Variants in TRIM46 observed in about 807,000 individuals in gnomAD.
The protein encoded by TRIM46 is tripartite motif containing 46.
In TRIM46, 17 loss-of-function variants were observed where a neutral mutation model predicts 69.7. The observed-to-expected ratio is 0.24, with a 90% CI of 0.17 to 0.37. The LOEUF is 0.37. Ranked by LOEUF, TRIM46 falls within the 10% of genes least tolerant of loss-of-function variation. The probability of loss-of-function intolerance (pLI) is 1.00; values close to 1 mark genes in which losing one functional copy is unlikely to be tolerated. For missense variants in TRIM46, 675 were observed against 1,025.1 expected, an observed-to-expected ratio of 0.66 and a Z score of 4.66; for synonymous variants, 391 against 429.0, an observed-to-expected ratio of 0.91 and a Z score of 1.09.
In TRIM46 at chr1:155,178,059, G is replaced by A. The variant is rs1239355191; in HGVS notation, c.967G>A (p.Val323Met). The A allele has an allele frequency of 3.1e-6, 5 of 1,613,966 alleles. No individual in the cohort carries two copies. The highest frequency in any genetic ancestry group is 1.1e-5 in the South Asian group (1 of 91,076). The change falls in exon 6 of 10, where the codon GTG (valine) becomes ATG (methionine). Residue 323 changes from valine (V) to methionine (M), a missense_variant. Physicochemically the swap from Val to Met is conservative, Grantham distance 21. Around this residue, in one of 5 missense-constraint regions of TRIM46, gnomAD observed 361 missense variants for 498.3 expected, o/e 0.72. Coordinates refer to ENST00000334634, the MANE Select transcript of TRIM46 (RefSeq NM_025058.5). ...GCAGCTGGTGCGGGGGCTGGGGGCT[G>A]TGCTGGAGGAGAAGCGGGCATCACT... The part of the protein sequence containing the change: ...VSQLVRGLGA[V>M]LEEKRASLLQ...
rs1196623949 is a variant in TRIM46 at position 155,178,610 on chromosome 1, C to A, written c.1282C>A (p.Arg428=). 3 of 1,612,926 alleles carry A rather than the reference C, an allele frequency of 1.9e-6. No individual in the cohort carries two copies. Among genetic ancestry groups the A allele is most frequent in the Non-Finnish European group, 2.5e-6 (3 of 1,179,928 alleles). Residue 428 remains arginine (R), a synonymous_variant, in exon 7 of 10, where the codon CGA becomes AGA. Coordinates refer to ENST00000334634, the MANE Select transcript of TRIM46 (RefSeq NM_025058.5). ...MKLLTELNFL[R]VPEAPVIDTQ... Reference sequence around the variant, plus strand: ...GCTGCTGACAGAGCTTAACTTCCTGCGAGGTAAGGAGATGGCCAGGCCCCA... The same window carrying A: ...GCTGCTGACAGAGCTTAACTTCCTGAGAGGTAAGGAGATGGCCAGGCCCCA...
intron 8 of TRIM46, 58 bp downstream of exon 8, chr1:155,179,992 C>T (rs919253358): frequency 2.0e-6 from 3 of 1,511,702 alleles, no homozygotes; most frequent in Admixed American, 2.2e-5. Flanking sequence ...AGGGCCTAGG[C>T]CCTGACGGTT....
In TRIM46 at chr1:155,181,944, C is replaced by T. The variant is rs1399235308; in HGVS notation, c.1681C>T (p.Leu561=). The T allele has an allele frequency of 1.2e-6, 2 of 1,614,124 alleles. No homozygotes were observed. Among genetic ancestry groups the T allele is most frequent in the East Asian group, 2.2e-5 (1 of 44,888 alleles). ...GCGAGCAGTACGGAGTGTTCCAGGG[C>T]TGCCCCTGCTGCTGGCTGCTGACCG... ...DQRAVRSVPG[L]PLLLAADRLL... is the part of the protein sequence containing the mutation. Residue 561 remains leucine (L), a synonymous_variant, in exon 9 of 10, where the codon CTG becomes TTG. Transcript: ENST00000334634. The surrounding 1 kb of genome is among the most constrained non-coding windows in gnomAD (Gnocchi z 4.3).
chr1:155,174,711 G>A (rs891970769), intron 1 of TRIM46: 2 of 1,448,668 alleles, frequency 1.4e-6, no homozygotes, highest in Non-Finnish European at 9.1e-7. Flanking sequence ...GGGGACTTCC[G>A]GTGGGGAGGG....
chr1:155,178,821 G>T, intron 7 of TRIM46: 3 of 1,455,398 alleles, frequency 2.1e-6, no homozygotes, highest in Non-Finnish European at 2.7e-6. Flanking sequence ...TGTGGCCACC[G>T]CGGACTCTGC....
intron 7 of TRIM46, 126 bp downstream of exon 7, chr1:155,178,739 T>TGGCCCCCCCCC: frequency 5.9e-6 from 8 of 1,348,452 alleles, no homozygotes; most frequent in Non-Finnish European, 8.2e-6. Flanking sequence ...CAGCCATTCC[T>TGGCCCCCCCCC]CCCACCCAGC....
chr1:155,174,279 G>A (rs1426541635), intron 1 of TRIM46, among the ~76,000 whole-genome samples: 2 of 152,158 alleles, frequency 1.3e-5, no homozygotes, highest in African/African-American at 2.4e-5. Flanking sequence ...AGACGCAGCG[G>A]GTGGGCTGGG....
intron 5 of TRIM46, 29 bp from the exon 6 acceptor site, chr1:155,177,973 G>A (rs371349014): frequency 1.7e-5 from 28 of 1,604,022 alleles, no homozygotes; most frequent in South Asian, 3.3e-5. Flanking sequence ...AGTAAGTCAC[G>A]CATCCTTTGG....
At chr1:155,176,810 C>T in intron 3 of TRIM46, 122 bp from the exon 4 acceptor site, 1 of 1,271,392 alleles carries the variant, frequency 7.9e-7, no homozygotes, top group African/African-American at 1.5e-5. Flanking sequence ...TGTGGAGCAC[C>T]ACCAGCGGAT....
chr1:155,180,410 C>G, intron 8 of TRIM46: 1 of 369,578 alleles, frequency 2.7e-6, no homozygotes. Flanking sequence ...GCCTGGCCAA[C>G]ATGGTGAAAC....
Position 155,178,218 on chromosome 1 carries a change from C to T in TRIM46, c.1126C>T (p.Pro376Ser), listed in dbSNP as rs1399204634. 11 of 1,609,496 alleles carry T rather than the reference C, an allele frequency of 6.8e-6. 1 individual carries two copies. The highest frequency in any genetic ancestry group is 2.2e-5 in the East Asian group (1 of 44,772). ...GGAAGTACTTAAGGAAACAGACCAG[C>T]CTTGCTTTGTGCAAGCCGCCAAGCA... ...AQEVLKETDQ[P>S]CFVQAAKQLH... is the part of the protein sequence containing the mutation. The change falls in exon 6 of 10, where the codon CCT (proline) becomes TCT (serine). Residue 376 changes from proline to serine, a missense_variant. Transcript: ENST00000334634.
In TRIM46 at chr1:155,181,183, T is replaced by C. The variant is rs561732021; in HGVS notation, c.1589-669T>C. Among the ~76,000 whole-genome samples, 1 of 152,204 alleles carries C rather than the reference T, an allele frequency of 6.6e-6. No individual in the cohort carries two copies. The highest frequency in any genetic ancestry group is 1.5e-5 in the Non-Finnish European group (1 of 68,030). On this transcript the variant is annotated intron_variant, in intron 8 of 9. Transcript: ENST00000334634. The surrounding 1 kb of genome is among the most constrained non-coding windows in gnomAD (Gnocchi z 4.3). ...TGAACCTGGGAGGCAGGGGTTGCAG[T>C]GAGCCAAGATTGCGCCACTGCACTC...
intron 8 of TRIM46, among the ~76,000 whole-genome samples, chr1:155,180,958 G>T (rs908696610): frequency 6.6e-6 from 1 of 151,988 alleles, no homozygotes; most frequent in Non-Finnish European, 1.5e-5. Flanking sequence ...TTTTTGGCTG[G>T]GCACAGTGGC....
Position 155,181,190 on chromosome 1 carries a change from A to G in TRIM46, c.1589-662A>G, listed in dbSNP as rs1666148272. Reference sequence around the variant, plus strand: ...GGGAGGCAGGGGTTGCAGTGAGCCAAGATTGCGCCACTGCACTCCAGCCTG... The same window carrying G: ...GGGAGGCAGGGGTTGCAGTGAGCCAGGATTGCGCCACTGCACTCCAGCCTG... On this transcript the variant is annotated intron_variant, in intron 8 of 9. Coordinates refer to ENST00000334634, the MANE Select transcript of TRIM46 (RefSeq NM_025058.5). The surrounding 1 kb of genome is among the most constrained non-coding windows in gnomAD (Gnocchi z 4.3). 6.6e-6 allele frequency among the ~76,000 whole-genome samples: 1 copy of G among 152,230 alleles called. No individual in the cohort carries two copies. Among genetic ancestry groups the G allele is most frequent in the Non-Finnish European group, 1.5e-5 (1 of 68,040 alleles).
chr1:155,174,926 A>G, intron 1 of TRIM46: 1 of 1,399,544 alleles, frequency 7.1e-7, no homozygotes, highest in Non-Finnish European at 9.2e-7. Flanking sequence ...TGGAGCGAGC[A>G]GGATGGAGTG....
Position 155,184,238 on chromosome 1 carries a change from C to T in TRIM46, c.*48C>T. On this transcript the variant is annotated 3_prime_UTR_variant, in exon 10 of 10. Coordinates refer to ENST00000334634, the MANE Select transcript of TRIM46 (RefSeq NM_025058.5). This position sits in a 1 kb window ranked among gnomAD's most constrained non-coding sequence, Gnocchi z 5.6. ...ACCTGGGGTCCTCCTGGGCCCTGGC[C>T]CCCAAACCTCTTGGCACCCGGTTGT... The T allele has an allele frequency of 6.6e-7, 1 of 1,507,180 alleles. No individual in the cohort carries two copies. The highest frequency in any genetic ancestry group is 8.8e-7 in the Non-Finnish European group (1 of 1,131,624). The allele number at this position is 1,507,180 out of a possible 1,614,324, so 93.4% of individuals were successfully genotyped here. A position where few individuals can be genotyped will look rare whatever the true frequency, so the allele number is the denominator to read the frequency against.
chr1:155,174,554 C>A (rs950603700), intron 1 of TRIM46: 5 of 1,471,192 alleles, frequency 3.4e-6, no homozygotes, highest in African/African-American at 2.8e-5. Context: ...CGTGTTCCCC[C>A]CCACCACTTC....
At chr1:155,174,679 A>G (rs986949627) in intron 1 of TRIM46, 6 of 1,442,400 alleles carry the variant, frequency 4.2e-6, no homozygotes, top group Middle Eastern at 1.9e-4. Context: ...GAGGACCCCC[A>G]CTCTCGCCAC....
chr1:155,181,884 G>A lies in TRIM46; in HGVS notation c.1621G>A (p.Ala541Thr), dbSNP rs763230919. The A allele has an allele frequency of 1.7e-5, 27 of 1,612,782 alleles. No individual in the cohort carries two copies. Among genetic ancestry groups the A allele is most frequent in the East Asian group, 6.7e-5 (3 of 44,844 alleles). The change falls in exon 9 of 10, where the codon GCA (alanine) becomes ACA (threonine). Residue 541 changes from alanine (A) to threonine (T), a missense_variant. Transcript: ENST00000334634. This position sits in a 1 kb window ranked among gnomAD's most constrained non-coding sequence, Gnocchi z 4.3. ...CTTCTTCCTCGATAGCCGCTGGGGC[G>A]CAAGCCGAGAGCGGCTGGCTATCAG... ...LHFFLDSRWGASRERLAISKD... is the reference protein window; with the variant it reads ...LHFFLDSRWGTSRERLAISKD...
Sources: gnomAD v4.1 joint callset for allele counts (sites outside exome capture counted in the v4.1 genomes callset) on GRCh38, gnomAD v4.1.1 for gene constraint, gnomAD v4.1.1 regional missense constraint, Gnocchi (gnomAD v3.1) non-coding constraint, MANE v1.5 for transcripts, NCBI Gene and HGNC (gene_info 2026-07-23, HGNC 2026-07-21) for gene names.